Variants in CABLES2 observed in about 807,000 individuals in gnomAD.
CABLES2 encodes the protein CDK5 and ABL1 enzyme substrate 2.
CABLES2 carries 35 observed loss-of-function variants against 44.8 expected under a neutral mutation model. That is an observed-to-expected ratio of 0.78 (90% CI 0.60 to 1.04). CABLES2 has a LOEUF of 1.04. Among genes scored for constraint, CABLES2 ranks in the 50% least tolerant of loss-of-function variants. CABLES2 has a pLI of 0.00. For missense variants in CABLES2, 566 were observed against 615.7 expected (o/e 0.92, Z 0.85); for synonymous variants, 282 against 281.1 (o/e 1.00, Z -0.03).
rs1988025687 is a variant in CABLES2 at position 62,396,604 on chromosome 20, C to G, written c.363-12G>C. On this transcript the variant is annotated splice_polypyrimidine_tract_variant and intron_variant, in intron 1 of 9. Coordinates refer to ENST00000279101, the MANE Select transcript of CABLES2 (RefSeq NM_031215.3). This position sits in a 1 kb window ranked among gnomAD's most constrained non-coding sequence, Gnocchi z 5.7. ...ACGTGACTCGCTTCCTGCAAGATGA[C>G]AATGGAGCCTCAAAACAGGCCACCA... is the stretch of plus-strand genomic sequence containing the variant. The G allele has an allele frequency of 6.2e-7, 1 of 1,607,044 alleles. No homozygotes were observed. Among genetic ancestry groups the G allele is most frequent in the African/African-American group, 1.3e-5 (1 of 74,822 alleles).
In CABLES2 at chr20:62,407,184, G is replaced by T. The variant is rs924962225; in HGVS notation, c.93C>A (p.Ala31=). 8.1e-6 allele frequency: 8 copies of T among 990,552 alleles called. No homozygotes were observed. In the African/African-American group the frequency reaches 1.1e-4, roughly 13 times the overall value. 61.4% of individuals were successfully genotyped at this position (990,552 alleles called of 1,614,324 possible). A position where few individuals can be genotyped will look rare whatever the true frequency, so the allele number is the denominator to read the frequency against. Reference sequence around the variant, plus strand: ...CGCGCCTCCGCAGCGCCTGCGGCGGGGCCCGAGCGGCCGAGGTCGGCGCGG... The same window carrying T: ...CGCGCCTCCGCAGCGCCTGCGGCGGTGCCCGAGCGGCCGAGGTCGGCGCGG... ...PPAAPTSAAR[A]PPQALRRRGD... Residue 31 remains alanine (A), a synonymous_variant, in exon 1 of 10, where the codon GCC becomes GCA. Coordinates refer to ENST00000279101, the MANE Select transcript of CABLES2 (RefSeq NM_031215.3).
Position 62,394,984 on chromosome 20 carries a change from C to G in CABLES2, c.558G>C (p.Leu186=). 6.2e-7 allele frequency: 1 copy of G among 1,612,998 alleles called. No homozygotes were observed. The highest frequency in any genetic ancestry group is 1.7e-5 in the Admixed American group (1 of 60,012). ...RIVLICAKRS[L]CAAFSVLPYG... ...AGGGCAGGACCGAGAAGGCCGCGCA[C>G]AGGGACCGCTTGGCACAGATGAGCA... Residue 186 remains leucine, a synonymous_variant, in exon 4 of 10, where the codon CTG becomes CTC. Coordinates refer to ENST00000279101, the MANE Select transcript of CABLES2 (RefSeq NM_031215.3).
At chr20:62,394,332 C>T (rs970797040) in intron 4 of CABLES2, 67 bp from the exon 5 acceptor site, 17 of 1,318,152 alleles carry the variant, frequency 1.3e-5, no homozygotes, top group Non-Finnish European at 1.8e-5. Flanking sequence ...GCCCAGCCCA[C>T]CTGTCCGCTG....
rs1601474461 is a variant in CABLES2 at position 62,396,728 on chromosome 20, T to G, written c.363-136A>C. Reference sequence around the variant, plus strand: ...CGGCGCACCCATGGGCCGAGGGGCTTCCAGAGCCCATGCAGACTGAGGCGG... The same window carrying G: ...CGGCGCACCCATGGGCCGAGGGGCTGCCAGAGCCCATGCAGACTGAGGCGG... On this transcript the variant is annotated intron_variant, in intron 1 of 9. Transcript: ENST00000279101. This position sits in a 1 kb window ranked among gnomAD's most constrained non-coding sequence, Gnocchi z 5.7. 3 of 852,010 alleles carry G rather than the reference T, an allele frequency of 3.5e-6. No homozygotes were observed. In the East Asian group the frequency reaches 8.0e-5, roughly 23 times the overall value. 52.8% of individuals were successfully genotyped at this position (852,010 alleles called of 1,614,324 possible).
intron 4 of CABLES2, 95 bp downstream of exon 4, chr20:62,394,842 G>T: frequency 9.1e-7 from 1 of 1,098,346 alleles, no homozygotes; most frequent in Non-Finnish European, 1.3e-6. Context: ...ACCTGGGGGC[G>T]CAGTGCCCGC....
At chr20:62,405,514 G>A (rs944378046) in intron 1 of CABLES2, 2 of 152,290 alleles carry the variant, frequency 1.3e-5, no homozygotes, top group African/African-American at 2.4e-5. Flanking sequence ...GCCTGGCTAC[G>A]GCCAGGAACA....
At chr20:62,398,190 G>GTGGTGA (rs1988107179) in intron 1 of CABLES2, among the ~76,000 whole-genome samples, 1 of 113,398 alleles carries the variant, frequency 8.8e-6, no homozygotes. Context: ...GGTGGTGATG[G>GTGGTGA]TGATGATGGT....
At position 62,390,713 on chromosome 20, in the gene CABLES2, C is replaced by A; in HGVS notation, c.*258G>T. The A allele has an allele frequency of 1.9e-6, 1 of 514,492 alleles. No individual in the cohort carries two copies. Among genetic ancestry groups the A allele is most frequent in the South Asian group, 2.6e-5 (1 of 38,262 alleles). 31.9% of individuals were successfully genotyped at this position (514,492 alleles called of 1,614,324 possible). A position where few individuals can be genotyped will look rare whatever the true frequency, so the allele number is the denominator to read the frequency against. Reference sequence around the variant, plus strand: ...CGTGAAAAAAATACCAGTAACAAACCTCACATTTAGTTTATGTAAAAATGC... The same window carrying A: ...CGTGAAAAAAATACCAGTAACAAACATCACATTTAGTTTATGTAAAAATGC... On this transcript the variant is annotated 3_prime_UTR_variant, in exon 10 of 10. Coordinates refer to ENST00000279101, the MANE Select transcript of CABLES2 (RefSeq NM_031215.3).
rs979203530 is a variant in CABLES2, at chr20:62,407,265, G to T, written c.12C>A (p.Ala4=). Residue 4 remains alanine (A), a synonymous_variant, in exon 1 of 10, where the codon GCC becomes GCA. Transcript: ENST00000279101. The stretch of plus-strand genomic sequence containing the variant: ...CCGGGCCCGGGGCTCCACCGGCCGC[G>T]GCCGCGGCCATCCTCAGACTGCGCC... MAA[A]AAGGAPGPAP... is the part of the protein sequence containing the mutation. 1.9e-5 allele frequency: 11 copies of T among 581,926 alleles called. No individual in the cohort carries two copies. The highest frequency in any genetic ancestry group is 2.4e-5 in the Non-Finnish European group (11 of 464,846). The allele number at this position is 581,926 out of a possible 1,614,324, so 36.0% of individuals were successfully genotyped here. A position where few individuals can be genotyped will look rare whatever the true frequency, so the allele number is the denominator to read the frequency against.
chr20:62,393,846 C>T (rs1987964960), intron 5 of CABLES2, among the ~76,000 whole-genome samples: 1 of 152,254 alleles, frequency 6.6e-6, no homozygotes, highest in African/African-American at 2.4e-5. Flanking sequence ...TTCTCCCTGC[C>T]TCTGAAGACT....
At position 62,389,482 on chromosome 20, in the gene CABLES2, C is replaced by G. The variant is rs151318996; in HGVS notation, c.*1489G>C. 6.6e-6 allele frequency: 1 copy of G among 152,156 alleles called. No individual in the cohort carries two copies. Among genetic ancestry groups the G allele is most frequent in the Non-Finnish European group, 1.5e-5 (1 of 68,056 alleles). 9.4% of individuals were successfully genotyped at this position (152,156 alleles called of 1,614,324 possible). A position where few individuals can be genotyped will look rare whatever the true frequency, so the allele number is the denominator to read the frequency against. On this transcript the variant is annotated 3_prime_UTR_variant, in exon 10 of 10. Transcript: ENST00000279101. ...AGCTGTCCTGCACCACTGCTGGGGT[C>G]GGGTGGAGTTGCTGGTGGAGTTCTG...
At chr20:62,402,552 A>G (rs1236232630) in intron 1 of CABLES2, 6 of 152,262 alleles carry the variant, frequency 3.9e-5, no homozygotes, top group African/African-American at 7.2e-5. Context: ...CTCGCCAGGA[A>G]GGCGTGGGCA....
At chr20:62,397,327 C>T (rs1449901173) in intron 1 of CABLES2, among the ~76,000 whole-genome samples, 1 of 152,186 alleles carries the variant, frequency 6.6e-6, no homozygotes, top group Non-Finnish European at 1.5e-5. Context: ...GTCTGCCTCC[C>T]CTTCCAGAGT....
At chr20:62,394,528 A>C (rs1987980269) in intron 4 of CABLES2, among the ~76,000 whole-genome samples, 1 of 152,130 alleles carries the variant, frequency 6.6e-6, no homozygotes, top group Non-Finnish European at 1.5e-5. Flanking sequence ...CTAGCCCACT[A>C]GGTACATGTG....
In CABLES2 at chr20:62,396,365, C is replaced by CT; in HGVS notation, c.476dup (p.Lys160GlufsTer44). 1.9e-6 allele frequency: 3 copies of CT among 1,613,902 alleles called. No individual in the cohort carries two copies. Among genetic ancestry groups the CT allele is most frequent in the Non-Finnish European group, 2.5e-6 (3 of 1,179,962 alleles). The stretch of plus-strand genomic sequence containing the variant: ...TCATGTTCTTGATGAAGTGGGTCTT[C>CT]TTCAGGCCTTTATGTCTCGGTGATC... On this transcript the variant is annotated frameshift_variant, in exon 3 of 10. Transcript: ENST00000279101. LOFTEE classifies it high-confidence loss of function. The surrounding 1 kb of genome is among the most constrained non-coding windows in gnomAD (Gnocchi z 5.7).
rs1987922702 is a variant in CABLES2, at chr20:62,391,714, G to A, written c.1092-261C>T. ...ATGGCAGCTCCCACCTGTGCCTGGT[G>A]GGTGGAGCCACAGAGGACAGGCTCT... is the stretch of plus-strand genomic sequence containing the variant. On this transcript the variant is annotated intron_variant, in intron 8 of 9. Coordinates refer to ENST00000279101, the MANE Select transcript of CABLES2 (RefSeq NM_031215.3). The surrounding 1 kb of genome is among the most constrained non-coding windows in gnomAD (Gnocchi z 5.7). Among the ~76,000 whole-genome samples, 1 of 151,892 alleles carries A rather than the reference G, an allele frequency of 6.6e-6. No homozygotes were observed. Among genetic ancestry groups the A allele is most frequent in the Middle Eastern group, 3.2e-3 (1 of 316 alleles).
intron 3 of CABLES2, 81 bp from the exon 4 acceptor site, chr20:62,395,095 C>T: frequency 8.9e-7 from 1 of 1,123,838 alleles, no homozygotes; most frequent in Admixed American, 1.9e-5. Flanking sequence ...ACAGACATTT[C>T]CATGGAAAAT....
At position 62,396,177 on chromosome 20, in the gene CABLES2, G is replaced by A. The variant is rs1601473997; in HGVS notation, c.527+138C>T. On this transcript the variant is annotated intron_variant, in intron 3 of 9. Transcript: ENST00000279101. The surrounding 1 kb of genome is among the most constrained non-coding windows in gnomAD (Gnocchi z 5.7). ...AGCAAGCAGTGTGGTGGGGAGGAGG[G>A]CCCACCTCTAGAGGTGTGGAGTGTG... is the stretch of plus-strand genomic sequence containing the variant. 2 of 727,624 alleles carry A rather than the reference G, an allele frequency of 2.7e-6. No individual in the cohort carries two copies. Among genetic ancestry groups the A allele is most frequent in the Non-Finnish European group, 4.8e-6 (2 of 416,858 alleles). The allele number at this position is 727,624 out of a possible 1,614,324, so 45.1% of individuals were successfully genotyped here. A position where few individuals can be genotyped will look rare whatever the true frequency, so the allele number is the denominator to read the frequency against.
At chr20:62,398,070 ACGGTGG>A (rs1400042652) in intron 1 of CABLES2, among the ~76,000 whole-genome samples, 8 of 28,962 alleles carry the variant, frequency 2.8e-4, no homozygotes, top group South Asian at 2.9e-3. Context: ...GGTGGTGGTG[ACGGTGG>A]TGGTGGTGGT....
Sources: gnomAD v4.1 joint callset for allele counts (sites outside exome capture counted in the v4.1 genomes callset) on GRCh38, gnomAD v4.1.1 for gene constraint, Gnocchi (gnomAD v3.1) non-coding constraint, MANE v1.5 for transcripts, NCBI Gene and HGNC (gene_info 2026-07-23, HGNC 2026-07-21) for gene names.